Variants in CCDC60 observed in about 807,000 individuals in gnomAD.
CCDC60 encodes the protein coiled-coil domain-containing protein 60.
In CCDC60, 54 loss-of-function variants were observed where a neutral mutation model predicts 63.5. The ratio of observed to expected loss-of-function variants is 0.85; its 90% CI spans 0.68 to 1.07. The LOEUF (loss-of-function observed/expected upper bound fraction) is 1.07. CCDC60 is among the 50% of genes least tolerant of loss of function. The pLI, the probability that CCDC60 is intolerant of heterozygous loss-of-function variation, is 0.00. For missense variants in CCDC60, 651 were observed against 684.3 expected, an observed-to-expected ratio of 0.95 and a Z score of 0.54; for synonymous variants, 206 against 238.8, an observed-to-expected ratio of 0.86 and a Z score of 1.27.
rs145241892 is a variant in CCDC60 at position 119,394,155 on chromosome 12, C to T, written c.91-34528C>T. 5.3e-5 allele frequency among the ~76,000 whole-genome samples: 8 copies of T among 152,228 alleles called. No individual in the cohort carries two copies. The East Asian group carries it at 1.5e-3, about 29-fold the overall frequency. ...CTAAGTTTAATTGTTACAACTGTAC[C>T]GCAAAGCAAGTATTGTTATAAGCAC... On this transcript the variant is annotated intron_variant, in intron 1 of 13. Coordinates refer to ENST00000327554, the MANE Select transcript of CCDC60 (RefSeq NM_178499.5).
intron 5 of CCDC60, among the ~76,000 whole-genome samples, chr12:119,499,030 T>C (rs1295923118): frequency 1.3e-5 from 2 of 152,228 alleles, no homozygotes; most frequent in African/African-American, 4.8e-5. Flanking sequence ...TCCCACCTAG[T>C]GTAAATATCC....
chr12:119,484,293 A>G (rs1203618856), intron 4 of CCDC60, among the ~76,000 whole-genome samples: 1 of 152,204 alleles, frequency 6.6e-6, no homozygotes, highest in Non-Finnish European at 1.5e-5. Context: ...GATATTGGGC[A>G]CTTAGAACAG....
intron 5 of CCDC60, among the ~76,000 whole-genome samples, chr12:119,490,871 T>G (rs1018756639): frequency 2.3e-4 from 35 of 152,304 alleles, no homozygotes; most frequent in Middle Eastern, 3.4e-3. Flanking sequence ...TTTATTTTTC[T>G]CTAAAATAAA....
At chr12:119,516,578 C>A in intron 7 of CCDC60, 45 bp from the exon 8 acceptor site, 1 of 1,382,992 alleles carries the variant, frequency 7.2e-7, no homozygotes, top group Non-Finnish European at 1.0e-6. Context: ...AATCCTGTCT[C>A]AGGGGTGGCT....
rs149362492 is a variant in CCDC60 at position 119,523,052 on chromosome 12, C to T, written c.1103+51C>T. The T allele has an allele frequency of 2.3e-4, 334 of 1,481,478 alleles. 1 individual carries two copies. The African/African-American group carries it at 3.9e-3, about 17-fold the overall frequency. The allele number at this position is 1,481,478 out of a possible 1,614,324, so 91.8% of individuals were successfully genotyped here. Reference sequence around the variant, plus strand: ...ACCACGCAAGAGGGAATATGGTGACCACACCCTCTATCTTCCCAGGGGTGT... The same window carrying T: ...ACCACGCAAGAGGGAATATGGTGACTACACCCTCTATCTTCCCAGGGGTGT... On this transcript the variant is annotated intron_variant, in intron 10 of 13. Transcript: ENST00000327554.
chr12:119,337,610 C>CT (rs1416093947), intron 1 of CCDC60, among the ~76,000 whole-genome samples: 1 of 152,186 alleles, frequency 6.6e-6, no homozygotes, highest in Non-Finnish European at 1.5e-5. Context: ...TATTGCACTG[C>CT]TGTTAGGTGC....
At chr12:119,459,199 A>C (rs1288696143) in intron 2 of CCDC60, among the ~76,000 whole-genome samples, 1 of 152,152 alleles carries the variant, frequency 6.6e-6, no homozygotes, top group Non-Finnish European at 1.5e-5. Flanking sequence ...AATAGTGGGG[A>C]AAAGGTATCC....
chr12:119,369,938 A>G (rs1028783402), intron 1 of CCDC60, among the ~76,000 whole-genome samples: 3 of 152,164 alleles, frequency 2.0e-5, no homozygotes, highest in Non-Finnish European at 4.4e-5. Flanking sequence ...CACCACCTAA[A>G]ATCAGGGATT....
chr12:119,478,675 T>C (rs1342528087), intron 3 of CCDC60, among the ~76,000 whole-genome samples: 1 of 142,364 alleles, frequency 7.0e-6, no homozygotes. Context: ...TGGCACGATC[T>C]CAGCTCACTG....
intron 4 of CCDC60, among the ~76,000 whole-genome samples, chr12:119,483,210 CAGA>C (rs1951364293): frequency 6.6e-6 from 1 of 152,194 alleles, no homozygotes; most frequent in South Asian, 2.1e-4. Flanking sequence ...GTGTGCAAAG[CAGA>C]GAGGGATGGC....
chr12:119,451,394 C>A (rs1331422579), intron 2 of CCDC60, among the ~76,000 whole-genome samples: 1 of 151,832 alleles, frequency 6.6e-6, no homozygotes, highest in Non-Finnish European at 1.5e-5. Context: ...GACCCCCACC[C>A]AGCCCCACCC....
At chr12:119,535,362 C>T (rs1488240477) in intron 13 of CCDC60, among the ~76,000 whole-genome samples, 2 of 152,122 alleles carry the variant, frequency 1.3e-5, no homozygotes, top group African/African-American at 4.8e-5. Context: ...TTTCAAAAAA[C>T]CAGCTCCTGG....
At chr12:119,508,132 C>G (rs935161467) in intron 7 of CCDC60, among the ~76,000 whole-genome samples, 2 of 151,994 alleles carry the variant, frequency 1.3e-5, no homozygotes, top group African/African-American at 4.8e-5. Context: ...GGTTGTGCCA[C>G]TGCACTCCAG....
intron 5 of CCDC60, among the ~76,000 whole-genome samples, chr12:119,498,435 C>A (rs574186335): frequency 7.9e-5 from 12 of 152,180 alleles, no homozygotes; most frequent in Admixed American, 5.9e-4. Context: ...CAGGTTCAAG[C>A]GATTCTGCTG....
intron 13 of CCDC60, among the ~76,000 whole-genome samples, chr12:119,540,264 T>A (rs1185738190): frequency 6.6e-6 from 1 of 152,200 alleles, no homozygotes; most frequent in African/African-American, 2.4e-5. Flanking sequence ...CTGAAACGGA[T>A]TTACAAACCA....
At chr12:119,539,243 C>T (rs1375585644) in intron 13 of CCDC60, among the ~76,000 whole-genome samples, 3 of 152,224 alleles carry the variant, frequency 2.0e-5, no homozygotes, top group Non-Finnish European at 1.5e-5. Flanking sequence ...CTGCTCTCTT[C>T]AGAGCCGGCA....
chr12:119,507,556 ATATATATATATATG>A (rs1335346093), intron 7 of CCDC60, among the ~76,000 whole-genome samples: 26 of 70,816 alleles, frequency 3.7e-4, no homozygotes, highest in East Asian at 1.9e-3. Context: ...ATATACATAT[ATATATATATATATG>A]TATATATACA....
At chr12:119,360,583 C>A (rs907371694) in intron 1 of CCDC60, among the ~76,000 whole-genome samples, 6 of 151,892 alleles carry the variant, frequency 4.0e-5, no homozygotes, top group African/African-American at 1.5e-4. Context: ...GGGGTGGCGG[C>A]CGGGCAGAGG....
At chr12:119,473,456 AT>A (rs974410229) in intron 3 of CCDC60, among the ~76,000 whole-genome samples, 40 of 151,782 alleles carry the variant, frequency 2.6e-4, no homozygotes, top group Admixed American at 6.6e-4. Context: ...TCATAGATTA[AT>A]TTTTTTTTAT....
Sources: gnomAD v4.1 joint callset for allele counts (sites outside exome capture counted in the v4.1 genomes callset) on GRCh38, gnomAD v4.1.1 for gene constraint, MANE v1.5 for transcripts, NCBI Gene and HGNC (gene_info 2026-07-23, HGNC 2026-07-21) for gene names.